The following SCAMP1 variants were observed in gnomAD, a reference collection of about 807,000 sequenced individuals.
SCAMP1 encodes the protein secretory carrier membrane protein 1.
A neutral mutation model predicts 41.8 loss-of-function variants in SCAMP1; 15 were observed. That is an observed-to-expected ratio of 0.36 (90% CI 0.24 to 0.55). The LOEUF (loss-of-function observed/expected upper bound fraction) is 0.55, where lower values mean the gene tolerates loss of function less well. Among genes scored for constraint, SCAMP1 ranks in the 20% least tolerant of loss-of-function variants. The probability of loss-of-function intolerance (pLI) is 0.86; values close to 1 mark genes in which losing one functional copy is unlikely to be tolerated. For missense variants in SCAMP1, 341 were observed against 412.6 expected (o/e 0.83, Z 1.50); for synonymous variants, 135 against 136.8 (o/e 0.99, Z 0.09).
chr5:78,446,367 G>A (rs1357256605), intron 6 of SCAMP1, among the ~76,000 whole-genome samples: 1 of 152,162 alleles, frequency 6.6e-6, no homozygotes, highest in African/African-American at 2.4e-5. Context: ...TTTGGAACAA[G>A]GTAATGGACA....
At chr5:78,419,265 A>G (rs1752281855) in intron 5 of SCAMP1, among the ~76,000 whole-genome samples, 6 of 152,236 alleles carry the variant, frequency 3.9e-5, no homozygotes, top group Admixed American at 3.9e-4. Flanking sequence ...GAGGAAGGCC[A>G]TTTAAAAGAA....
At chr5:78,415,972 G>C (rs980832160) in intron 3 of SCAMP1, among the ~76,000 whole-genome samples, 3 of 152,146 alleles carry the variant, frequency 2.0e-5, no homozygotes, top group African/African-American at 7.2e-5. Flanking sequence ...ACAGTGTTAG[G>C]AGGTAGAAGA....
intron 2 of SCAMP1, among the ~76,000 whole-genome samples, chr5:78,408,233 G>A (rs1050519339): frequency 6.6e-6 from 1 of 152,124 alleles, no homozygotes; most frequent in African/African-American, 2.4e-5. Flanking sequence ...GTTACCTGGT[G>A]GCAGGCAAGA....
At chr5:78,384,833 T>C (rs1344625049) in intron 1 of SCAMP1, among the ~76,000 whole-genome samples, 1 of 152,226 alleles carries the variant, frequency 6.6e-6, no homozygotes, top group Non-Finnish European at 1.5e-5. Flanking sequence ...CTTTTTGATA[T>C]GCTGTTGAAT....
chr5:78,429,035 C>G (rs1049016386), intron 6 of SCAMP1, among the ~76,000 whole-genome samples: 1 of 152,036 alleles, frequency 6.6e-6, no homozygotes, highest in African/African-American at 2.4e-5. Context: ...CATGCATGCT[C>G]AAGATTCCTT....
At chr5:78,440,841 T>C (rs1344078482) in intron 6 of SCAMP1, among the ~76,000 whole-genome samples, 8 of 152,122 alleles carry the variant, frequency 5.3e-5, no homozygotes, top group African/African-American at 1.9e-4. Flanking sequence ...CCTCCTTGAG[T>C]TGTGGTGGGC....
At chr5:78,424,086 CGCCCACCTTGGCCTCT>C (rs1752407173) in intron 6 of SCAMP1, among the ~76,000 whole-genome samples, 1 of 151,552 alleles carries the variant, frequency 6.6e-6, no homozygotes, top group African/African-American at 2.4e-5. Flanking sequence ...TCAGGTGATC[CGCCCACCTTGGCCTCT>C]GCCCACCTCG....
chr5:78,442,185 T>C (rs1012414488), intron 6 of SCAMP1, among the ~76,000 whole-genome samples: 2 of 152,210 alleles, frequency 1.3e-5, no homozygotes, highest in Non-Finnish European at 2.9e-5. Flanking sequence ...TTCTAGATGT[T>C]TGAAAACTCA....
chr5:78,430,653 A>G (rs1462073062), intron 6 of SCAMP1, among the ~76,000 whole-genome samples: 1 of 152,044 alleles, frequency 6.6e-6, no homozygotes, highest in South Asian at 2.1e-4. Flanking sequence ...CATGTTCAGT[A>G]CTTTGTATTA....
At chr5:78,385,923 T>G (rs993385823) in intron 1 of SCAMP1, among the ~76,000 whole-genome samples, 7 of 152,160 alleles carry the variant, frequency 4.6e-5, no homozygotes, top group Non-Finnish European at 8.8e-5. Flanking sequence ...TGCTTGTATG[T>G]TCTGCAGTTG....
intron 6 of SCAMP1, among the ~76,000 whole-genome samples, chr5:78,440,229 T>C (rs1204863533): frequency 6.6e-6 from 1 of 152,228 alleles, no homozygotes; most frequent in East Asian, 1.9e-4. Context: ...TCATTCTCCG[T>C]TCAGCTTTGT....
At chr5:78,400,400 A>G (rs1207946578) in intron 2 of SCAMP1, among the ~76,000 whole-genome samples, 1 of 152,212 alleles carries the variant, frequency 6.6e-6, no homozygotes, top group Non-Finnish European at 1.5e-5. Flanking sequence ...AGTGTCCACA[A>G]AATAACTTGC....
intron 1 of SCAMP1, among the ~76,000 whole-genome samples, chr5:78,374,283 C>G (rs539070890): frequency 2.0e-4 from 31 of 152,206 alleles, no homozygotes; most frequent in African/African-American, 7.5e-4. Flanking sequence ...CCCCTAAATG[C>G]AGAATCTGAG....
chr5:78,409,040 A>G (rs1256883409), intron 2 of SCAMP1, among the ~76,000 whole-genome samples: 1 of 152,020 alleles, frequency 6.6e-6, no homozygotes. Flanking sequence ...TTACTCATCC[A>G]CTGAAACGGT....
intron 6 of SCAMP1, among the ~76,000 whole-genome samples, chr5:78,434,920 G>A (rs558275141): frequency 6.6e-6 from 1 of 152,222 alleles, no homozygotes; most frequent in Non-Finnish European, 1.5e-5. Flanking sequence ...CTGGATTCTG[G>A]ATTCTGTGTG....
At chr5:78,445,960 C>T (rs6873144) in intron 6 of SCAMP1, among the ~76,000 whole-genome samples, 115,325 of 152,178 alleles carry the variant, frequency 0.76, 44,278 homozygotes, top group African/African-American at 0.83. Context: ...TTCGTATTAA[C>T]GGTCAGTGTG....
intron 6 of SCAMP1, among the ~76,000 whole-genome samples, chr5:78,441,475 A>G (rs1752923010): frequency 6.6e-6 from 1 of 152,200 alleles, no homozygotes; most frequent in African/African-American, 2.4e-5. Context: ...GAGTGATAGG[A>G]CCATCAAGAG....
At chr5:78,459,598 T>G (rs1311478808) in intron 8 of SCAMP1, among the ~76,000 whole-genome samples, 2 of 152,160 alleles carry the variant, frequency 1.3e-5, no homozygotes, top group East Asian at 3.8e-4. Flanking sequence ...ACTGAAGGCT[T>G]TCATGAGTTA....
At chr5:78,376,275 A>G (rs745944197) in intron 1 of SCAMP1, among the ~76,000 whole-genome samples, 2 of 152,206 alleles carry the variant, frequency 1.3e-5, no homozygotes, top group Non-Finnish European at 2.9e-5. Context: ...GATATTTTAC[A>G]TTGTTTTGCT....
Sources: allele counts gnomAD v4.1 joint callset (sites outside exome capture counted in the v4.1 genomes callset), GRCh38; gene constraint gnomAD v4.1.1; transcripts MANE v1.5; gene names NCBI Gene and HGNC (gene_info 2026-07-23, HGNC 2026-07-21).